TAS2R7: variants seen among roughly 807,000 people sequenced by gnomAD.
TAS2R7 encodes taste receptor type 2 member 7.
For missense variants in TAS2R7, 403 were observed against 366.0 expected, an observed-to-expected ratio of 1.10 and a Z score of -0.82; for synonymous variants, 159 against 138.8, an observed-to-expected ratio of 1.15 and a Z score of -1.02.
Position 10,801,596 on chromosome 12 carries a change from G to T in TAS2R7, c.*18C>A. ...AAACATCTTATCTTTGTTTGTCCTA[G>T]AAAAGCATAGTTTCTCTTCAGATTT... On this transcript the variant is annotated 3_prime_UTR_variant, in exon 1 of 1. Coordinates refer to ENST00000240687, the MANE Select transcript of TAS2R7 (RefSeq NM_023919.2). 1 of 1,448,542 alleles carries T rather than the reference G, an allele frequency of 6.9e-7. No homozygotes were observed. Among genetic ancestry groups the T allele is most frequent in the South Asian group, 1.2e-5 (1 of 80,776 alleles). The allele number at this position is 1,448,542 out of a possible 1,614,324, so 89.7% of individuals were successfully genotyped here.
rs1948697032 is a variant in TAS2R7 at position 10,802,585 on chromosome 12, T to C, written c.-15A>G. On this transcript the variant is annotated 5_prime_UTR_variant, in exon 1 of 1. The change abolishes the stop of an existing upstream ORF in the 5' untranslated region. Transcript: ENST00000240687. ...TTATCTGCCATGTTTAAATATGCAA[T>C]TAGTTTCTAGTTGACCTGATGGAGT... 6.2e-7 allele frequency: 1 copy of C among 1,603,118 alleles called. No homozygotes were observed. The highest frequency in any genetic ancestry group is 2.2e-5 in the East Asian group (1 of 44,774).
At position 10,801,893 on chromosome 12, in the gene TAS2R7, G is replaced by C. The variant is rs1280541305; in HGVS notation, c.678C>G (p.Ser226Arg). The C allele has an allele frequency of 6.2e-7, 1 of 1,613,988 alleles. No homozygotes were observed. Among genetic ancestry groups the C allele is most frequent in the East Asian group, 2.2e-5 (1 of 44,856 alleles). ...QLSATGCRDP[S>R]TEAHVRALKA... ...TCAGGGCTCTCACATGGGCTTCTGTGCTGGGGTCTCTGCACCCTGTGGCAC... is the reference window on the plus strand; with the variant it reads ...TCAGGGCTCTCACATGGGCTTCTGTCCTGGGGTCTCTGCACCCTGTGGCAC... Residue 226 changes from serine to arginine, a missense_variant, in exon 1 of 1, where the codon AGC becomes AGG. Physicochemically the swap from Ser to Arg is moderately radical, Grantham distance 110 (BLOSUM62 -1). Transcript: ENST00000240687.
Position 10,801,590 on chromosome 12 carries a change from G to T in TAS2R7, c.*24C>A. The T allele has an allele frequency of 1.4e-6, 2 of 1,391,812 alleles. No individual in the cohort carries two copies. The highest frequency in any genetic ancestry group is 2.9e-5 in the African/African-American group (2 of 69,684). The allele number at this position is 1,391,812 out of a possible 1,614,324, so 86.2% of individuals were successfully genotyped here. ...ATTTAGAAACATCTTATCTTTGTTT[G>T]TCCTAGAAAAGCATAGTTTCTCTTC... On this transcript the variant is annotated 3_prime_UTR_variant, in exon 1 of 1. Transcript: ENST00000240687.
In TAS2R7 at chr12:10,802,532, T is replaced by A. The variant is rs542716093; in HGVS notation, c.39A>T (p.Ala13=). Residue 13 remains alanine (A), a synonymous_variant, in exon 1 of 1, where the codon GCA becomes GCT. Coordinates refer to ENST00000240687, the MANE Select transcript of TAS2R7 (RefSeq NM_023919.2). The stretch of plus-strand genomic sequence containing the variant: ...AGATCCCCACTGAAAACTCTCCAAC[T>A]GCTAAGAACAATAAAGTAGTCTGCA... ...DKVQTTLLFL[A]VGEFSVGILG... 1 of 1,613,942 alleles carries A rather than the reference T, an allele frequency of 6.2e-7. No individual in the cohort carries two copies. The highest frequency in any genetic ancestry group is 1.1e-5 in the South Asian group (1 of 91,066).
rs143436633 is a variant in TAS2R7 at position 10,802,067 on chromosome 12, T to G, written c.504A>C (p.Leu168Phe). 4.5e-5 allele frequency: 72 copies of G among 1,613,918 alleles called. No homozygotes were observed. The African/African-American group carries it at 8.4e-4, about 19-fold the overall frequency. The change falls in exon 1 of 1, where the codon TTA becomes TTC. Residue 168 changes from leucine (L) to phenylalanine (F), a missense_variant. By Grantham distance (22) the Leu-to-Phe change is conservative. Coordinates refer to ENST00000240687, the MANE Select transcript of TAS2R7 (RefSeq NM_023919.2). Reference protein sequence around the residue: ...FCVKAKRKTNLTWSCRVNKTQ... With the variant: ...FCVKAKRKTNFTWSCRVNKTQ... ...TTTTATTTACTCTGCAACTCCAAGT[T>G]AAGTTTGTTTTCCTCTTTGCCTTCA...
rs144773045 is a variant in TAS2R7, at chr12:10,801,684, G to C, written c.887C>G (p.Ser296Cys). 640 of 1,613,324 alleles carry C rather than the reference G, an allele frequency of 4.0e-4. 2 individuals are homozygous for C. The highest frequency in any genetic ancestry group is 2.6e-3 in the Middle Eastern group (16 of 6,054). Residue 296 changes from serine to cysteine, a missense_variant, in exon 1 of 1, where the codon TCT (serine) becomes TGT (cysteine). Coordinates refer to ENST00000240687, the MANE Select transcript of TAS2R7 (RefSeq NM_023919.2). ...ILGNNKLRHASLKVIWKVMSI... is the reference protein window; with the variant it reads ...ILGNNKLRHACLKVIWKVMSI... ...CATTACTTTCCAAATCACCTTTAGA[G>C]ATGCATGTCTTAATTTATTGTTCCC...
Position 10,801,630 on chromosome 12 carries a change from T to A in TAS2R7, c.941A>T (p.Gln314Leu). Residue 314 changes from glutamine to leucine, a missense_variant, in exon 1 of 1, where the codon CAA becomes CTA. By Grantham distance (113) the Gln-to-Leu change is moderately radical. Transcript: ENST00000240687. ...MSILKGRKFQ[Q>L]HKQI The stretch of plus-strand genomic sequence containing the variant: ...AGTTTCTCTTCAGATTTGTTTATGT[T>A]GTTGGAATTTTCTTCCTTTTAGAAT... 1 of 1,589,582 alleles carries A rather than the reference T, an allele frequency of 6.3e-7. No homozygotes were observed. Among genetic ancestry groups the A allele is most frequent in the East Asian group, 2.2e-5 (1 of 44,744 alleles).
At position 10,802,391 on chromosome 12, in the gene TAS2R7, G is replaced by C. The variant is rs566735298; in HGVS notation, c.180C>G (p.Cys60Trp). 42 of 1,613,834 alleles carry C rather than the reference G, an allele frequency of 2.6e-5. No individual in the cohort carries two copies. The highest frequency in any genetic ancestry group is 3.6e-5 in the Non-Finnish European group (42 of 1,179,968). The change falls in exon 1 of 1, where the codon TGC (cysteine) becomes TGG (tryptophan). Residue 60 changes from cysteine (C) to tryptophan (W), a missense_variant. Cys to Trp is a radical substitution (Grantham distance 215). Transcript: ENST00000240687. ...ATATAAAACAATCTAATAGTATTAC[G>C]CACAATAGACAAATTCTGGATATGG... ...SLAISRICLLCVILLDCFILV... is the reference protein window; with the variant it reads ...SLAISRICLLWVILLDCFILV...
In TAS2R7 at chr12:10,802,239, A is replaced by G. The variant is rs781733692; in HGVS notation, c.332T>C (p.Ile111Thr). 30 of 1,613,698 alleles carry G rather than the reference A, an allele frequency of 1.9e-5. No individual in the cohort carries two copies. The highest frequency in any genetic ancestry group is 2.2e-5 in the Non-Finnish European group (26 of 1,179,912). The part of the protein sequence containing the change: ...TCLSIYYFFK[I>T]GNFFHPLFLW... ...GAAAAGTGGGTGAAAGAAATTACCT[A>G]TCTTGAAGAAATAGTAAATGCTGAG... The change falls in exon 1 of 1, where the codon ATA (isoleucine) becomes ACA (threonine). Residue 111 changes from isoleucine to threonine, a missense_variant. Transcript: ENST00000240687.
rs184228156 is a variant in TAS2R7, at chr12:10,802,132, G to A, written c.439C>T (p.Pro147Ser). The A allele has an allele frequency of 1.9e-6, 3 of 1,613,838 alleles. No individual in the cohort carries two copies. Among genetic ancestry groups the A allele is most frequent in the South Asian group, 2.2e-5 (2 of 91,060 alleles). Residue 147 changes from proline (P) to serine (S), a missense_variant, in exon 1 of 1, where the codon CCA becomes TCA. Transcript: ENST00000240687. ...CVVLSVFISL[P>S]ATENLNADFR... ...TCAGCGTTCAAATTCTCAGTGGCTG[G>A]AAGGCTAATAAACACAGAGAGAACC...
In TAS2R7 at chr12:10,801,933, C is replaced by G. The variant is rs1948690344; in HGVS notation, c.638G>C (p.Arg213Thr). The change falls in exon 1 of 1, where the codon AGG (arginine) becomes ACG (threonine). Residue 213 changes from arginine to threonine, a missense_variant. By Grantham distance (71) the Arg-to-Thr change is moderately conservative. Transcript: ENST00000240687. ...LLILSLRRHIRRMQLSATGCR... is the reference protein window; with the variant it reads ...LLILSLRRHITRMQLSATGCR... Reference sequence around the variant, plus strand: ...CCCTGTGGCACTGAGCTGCATTCGCCTGATATGTCTCCGCAGGGAGAGGAT... The same window carrying G: ...CCCTGTGGCACTGAGCTGCATTCGCGTGATATGTCTCCGCAGGGAGAGGAT... 1 of 1,613,794 alleles carries G rather than the reference C, an allele frequency of 6.2e-7. No individual in the cohort carries two copies. The highest frequency in any genetic ancestry group is 8.5e-7 in the Non-Finnish European group (1 of 1,179,998).
Position 10,802,061 on chromosome 12 carries a change from C to A in TAS2R7, c.510G>T (p.Trp170Cys). 3.1e-6 allele frequency: 5 copies of A among 1,613,844 alleles called. No individual in the cohort carries two copies. Among genetic ancestry groups the A allele is most frequent in the Non-Finnish European group, 4.2e-6 (5 of 1,179,954 alleles). Residue 170 changes from tryptophan to cysteine, a missense_variant, in exon 1 of 1, where the codon TGG (tryptophan) becomes TGT (cysteine). By Grantham distance (215) the Trp-to-Cys change is radical (BLOSUM62 -2). Transcript: ENST00000240687. The part of the protein sequence containing the change: ...VKAKRKTNLT[W>C]SCRVNKTQHA... ...GTTGAGTTTTATTTACTCTGCAACT[C>A]CAAGTTAAGTTTGTTTTCCTCTTTG...
Position 10,802,465 on chromosome 12 carries a change from C to T in TAS2R7, c.106G>A (p.Val36Ile), listed in dbSNP as rs780844712. 7 of 1,614,006 alleles carry T rather than the reference C, an allele frequency of 4.3e-6. No homozygotes were observed. The highest frequency in any genetic ancestry group is 4.5e-5 in the East Asian group (2 of 44,870). ...ATGGAGGCAATTTTCCTCTTCTTGA[C>T]CCAGTCCATGCAGTTTACCAATCCA... ...FIGLVNCMDW[V>I]KKRKIASIDL... The change falls in exon 1 of 1, where the codon GTC becomes ATC. Residue 36 changes from valine to isoleucine, a missense_variant. Val to Ile is a conservative substitution (Grantham distance 29). Coordinates refer to ENST00000240687, the MANE Select transcript of TAS2R7 (RefSeq NM_023919.2).
At position 10,802,468 on chromosome 12, in the gene TAS2R7, A is replaced by T. The variant is rs745463796; in HGVS notation, c.103T>A (p.Trp35Arg). The change falls in exon 1 of 1, where the codon TGG becomes AGG. Residue 35 changes from tryptophan to arginine, a missense_variant. Coordinates refer to ENST00000240687, the MANE Select transcript of TAS2R7 (RefSeq NM_023919.2). The stretch of plus-strand genomic sequence containing the variant: ...GAGGCAATTTTCCTCTTCTTGACCC[A>T]GTCCATGCAGTTTACCAATCCAATG... ...AFIGLVNCMD[W>R]VKKRKIASID... 3 of 1,614,046 alleles carry T rather than the reference A, an allele frequency of 1.9e-6. No individual in the cohort carries two copies. The highest frequency in any genetic ancestry group is 2.5e-6 in the Non-Finnish European group (3 of 1,179,940).
rs1475330068 is a variant in TAS2R7 at position 10,802,056 on chromosome 12, C to G, written c.515G>C (p.Cys172Ser). The G allele has an allele frequency of 6.2e-7, 1 of 1,613,752 alleles. No individual in the cohort carries two copies. Among genetic ancestry groups the G allele is most frequent in the African/African-American group, 1.3e-5 (1 of 74,900 alleles). ...AKRKTNLTWS[C>S]RVNKTQHAST... The stretch of plus-strand genomic sequence containing the variant: ...AGCATGTTGAGTTTTATTTACTCTG[C>G]AACTCCAAGTTAAGTTTGTTTTCCT... Residue 172 changes from cysteine to serine, a missense_variant, in exon 1 of 1, where the codon TGC (cysteine) becomes TCC (serine). Cys to Ser is a moderately radical substitution (Grantham distance 112). Transcript: ENST00000240687.
chr12:10,801,686 T>C lies in TAS2R7; in HGVS notation c.885A>G (p.Ala295=). The change falls in exon 1 of 1, where the codon GCA becomes GCG. Residue 295 remains alanine (A), a synonymous_variant. Coordinates refer to ENST00000240687, the MANE Select transcript of TAS2R7 (RefSeq NM_023919.2). ...LILGNNKLRH[A]SLKVIWKVMS... is the part of the protein sequence containing the mutation. Reference sequence around the variant, plus strand: ...TTACTTTCCAAATCACCTTTAGAGATGCATGTCTTAATTTATTGTTCCCCA... The same window carrying C: ...TTACTTTCCAAATCACCTTTAGAGACGCATGTCTTAATTTATTGTTCCCCA... The C allele has an allele frequency of 1.2e-6, 2 of 1,613,598 alleles. No individual in the cohort carries two copies. Among genetic ancestry groups the C allele is most frequent in the Non-Finnish European group, 1.7e-6 (2 of 1,179,592 alleles).
rs757151165 is a variant in TAS2R7 at position 10,801,963 on chromosome 12, A to T, written c.608T>A (p.Leu203His). 2 of 1,613,954 alleles carry T rather than the reference A, an allele frequency of 1.2e-6. No homozygotes were observed. The highest frequency in any genetic ancestry group is 1.7e-5 in the Admixed American group (1 of 59,936). Residue 203 changes from leucine (L) to histidine (H), a missense_variant, in exon 1 of 1, where the codon CTC becomes CAC. Transcript: ENST00000240687. ...ATGTCTCCGCAGGGAGAGGATCAAG[A>T]GGAAAAAGGACATTAGGCACACACA... ...PFCVCLMSFFLLILSLRRHIR... is the reference protein window; with the variant it reads ...PFCVCLMSFFHLILSLRRHIR...
rs371166262 is a variant in TAS2R7, at chr12:10,802,588, G to T, written c.-18C>A. On this transcript the variant is annotated 5_prime_UTR_variant, in exon 1 of 1. Transcript: ENST00000240687. ...TCTGCCATGTTTAAATATGCAATTA[G>T]TTTCTAGTTGACCTGATGGAGTTTG... 4 of 1,598,070 alleles carry T rather than the reference G, an allele frequency of 2.5e-6. No homozygotes were observed. Among genetic ancestry groups the T allele is most frequent in the African/African-American group, 1.3e-5 (1 of 74,398 alleles).
chr12:10,802,229 G>A lies in TAS2R7; in HGVS notation c.342C>T (p.Phe114=). 2 of 1,613,744 alleles carry A rather than the reference G, an allele frequency of 1.2e-6. No homozygotes were observed. Among genetic ancestry groups the A allele is most frequent in the East Asian group, 2.2e-5 (1 of 44,842 alleles). ...TCATCCAGAGGAAAAGTGGGTGAAA[G>A]AAATTACCTATCTTGAAGAAATAGT... ...SIYYFFKIGN[F]FHPLFLWMKW... is the part of the protein sequence containing the mutation. The change falls in exon 1 of 1, where the codon TTC becomes TTT. Residue 114 remains phenylalanine, a synonymous_variant. Transcript: ENST00000240687.
Sources: allele counts gnomAD v4.1 joint callset, GRCh38; gene constraint gnomAD v4.1.1; transcripts MANE v1.5; gene names NCBI Gene and HGNC (gene_info 2026-07-23, HGNC 2026-07-21).